TMED10: variants seen among roughly 807,000 people sequenced by gnomAD.
The protein encoded by TMED10 is transmembrane p24 trafficking protein 10, also known as transmembrane emp24 domain-containing protein 10.
TMED10 carries 7 observed loss-of-function variants against 23.1 expected under a neutral mutation model. The ratio of observed to expected loss-of-function variants is 0.30; its 90% CI spans 0.17 to 0.57. The LOEUF is 0.57. Ranked by LOEUF, TMED10 falls within the 20% of genes least tolerant of loss-of-function variation. The pLI is 0.91. For synonymous variants in TMED10, 113 were observed against 106.9 expected, an observed-to-expected ratio of 1.06 and a Z score of -0.35; for missense variants, 162 against 274.8, an observed-to-expected ratio of 0.59 and a Z score of 2.90.
chr14:75,135,563 A>G (rs908426396), intron 4 of TMED10, 197 bp downstream of exon 4: 11 of 630,854 alleles, frequency 1.7e-5, no homozygotes, highest in Non-Finnish European at 7.8e-6. Flanking sequence ...TCACCTGCCT[A>G]TCACAGTAGG....
intron 1 of TMED10, among the ~76,000 whole-genome samples, chr14:75,153,914 C>T (rs1232760281): frequency 1.3e-5 from 2 of 151,306 alleles, no homozygotes; most frequent in Non-Finnish European, 2.9e-5. Context: ...GAACTACAGG[C>T]ACCCACGACC....
At position 75,133,227 on chromosome 14, in the gene TMED10, A is replaced by G. The variant is rs181866026; in HGVS notation, c.*1658T>C. 1.3e-5 allele frequency: 2 copies of G among 152,348 alleles called. No individual in the cohort carries two copies. Among genetic ancestry groups the G allele is most frequent in the East Asian group, 1.9e-4 (1 of 5,194 alleles). The allele number at this position is 152,348 out of a possible 1,614,324, so 9.4% of individuals were successfully genotyped here. ...TGGTAGAAGTTATGTTAAAAATTCA[A>G]GCAACCACATATCTAACAGAGGAAT... On this transcript the variant is annotated 3_prime_UTR_variant, in exon 5 of 5. Coordinates refer to ENST00000303575, the MANE Select transcript of TMED10 (RefSeq NM_006827.6).
chr14:75,161,782 C>T (rs892722418), intron 1 of TMED10, among the ~76,000 whole-genome samples: 2 of 148,314 alleles, frequency 1.3e-5, no homozygotes, highest in Admixed American at 6.8e-5. Context: ...GCAGGAAGGA[C>T]GGGACTACTT....
intron 1 of TMED10, among the ~76,000 whole-genome samples, chr14:75,153,101 G>A (rs182702595): frequency 3.9e-5 from 6 of 152,088 alleles, no homozygotes; most frequent in Admixed American, 3.9e-4. Flanking sequence ...CAGCCCAGAT[G>A]ACAGAGTGAG....
Position 75,135,761 on chromosome 14 carries a change from G to A in TMED10, c.537C>T (p.Asn179=), listed in dbSNP as rs1453213369. Residue 179 remains asparagine (N), a splice_region_variant and synonymous_variant, in exon 4 of 5, where the codon AAC becomes AAT. Coordinates refer to ENST00000303575, the MANE Select transcript of TMED10 (RefSeq NM_006827.6). ...AGTAAGAGTCGCCTTCCCCCTCACCGTTGGTATCACGCATCTCCTCTTCTC... is the reference window on the plus strand; with the variant it reads ...AGTAAGAGTCGCCTTCCCCCTCACCATTGGTATCACGCATCTCCTCTTCTC... ...KKREEEMRDT[N]ESTNTRVLYF... is the part of the protein sequence containing the mutation. 18 of 1,612,862 alleles carry A rather than the reference G, an allele frequency of 1.1e-5. No homozygotes were observed. Among genetic ancestry groups the A allele is most frequent in the Admixed American group, 1.7e-5 (1 of 59,662 alleles).
chr14:75,143,446 G>T (rs540328442), intron 3 of TMED10, among the ~76,000 whole-genome samples: 3 of 152,294 alleles, frequency 2.0e-5, no homozygotes, highest in Admixed American at 6.5e-5. Context: ...TTAAAACAGA[G>T]GTGTTAATCT....
chr14:75,158,109 A>C (rs1896043262), intron 1 of TMED10, among the ~76,000 whole-genome samples: 1 of 152,194 alleles, frequency 6.6e-6, no homozygotes, highest in South Asian at 2.1e-4. Context: ...CATCAGTGCA[A>C]ATCAGAGTTG....
intron 1 of TMED10, among the ~76,000 whole-genome samples, chr14:75,166,265 A>G (rs1896161893): frequency 6.6e-6 from 1 of 152,024 alleles, no homozygotes; most frequent in African/African-American, 2.4e-5. Context: ...GATGACATCA[A>G]CCTCCCTCAA....
intron 1 of TMED10, among the ~76,000 whole-genome samples, chr14:75,171,220 A>G (rs898384883): frequency 2.6e-5 from 4 of 152,066 alleles, no homozygotes; most frequent in Non-Finnish European, 5.9e-5. Flanking sequence ...TGAGGAACAA[A>G]GCAGAGGATG....
At chr14:75,168,342 C>T (rs931592243) in intron 1 of TMED10, among the ~76,000 whole-genome samples, 2 of 152,178 alleles carry the variant, frequency 1.3e-5, no homozygotes, top group Admixed American at 6.5e-5. Context: ...CTGACACATA[C>T]TAAATATTAC....
At chr14:75,147,793 A>AACCCACCCC in intron 2 of TMED10, 56 bp from the exon 3 acceptor site, 1 of 1,335,750 alleles carries the variant, frequency 7.5e-7, no homozygotes, top group Non-Finnish European at 9.8e-7. Context: ...CTGGGAAATT[A>AACCCACCCC]CCCACCCACC....
intron 1 of TMED10, among the ~76,000 whole-genome samples, chr14:75,166,229 T>C (rs1341850341): frequency 1.3e-5 from 2 of 152,154 alleles, no homozygotes; most frequent in Non-Finnish European, 2.9e-5. Flanking sequence ...TGTTGAACAA[T>C]GAGGTTGGGA....
chr14:75,163,039 A>G lies in TMED10; in HGVS notation c.226-10896T>C, dbSNP rs145511206. ...CACTTGAGTCCAGGAATTTGAGACC[A>G]GCCTGGGCAACACAGGAAGACCCTG... On this transcript the variant is annotated intron_variant, in intron 1 of 4. Transcript: ENST00000303575. 7.4e-3 allele frequency among the ~76,000 whole-genome samples: 1,123 copies of G among 152,150 alleles called. 45 individuals are homozygous for G. Among genetic ancestry groups the G allele is most frequent in the Admixed American group, 0.056 (855 of 15,268 alleles).
rs533920984 is a variant in TMED10, at chr14:75,150,226, G to T, written c.337+1806C>A. Among the ~76,000 whole-genome samples the T allele has an allele frequency of 3.3e-5, 5 of 152,324 alleles. No homozygotes were observed. The South Asian group carries it at 1.0e-3, about 32-fold the overall frequency. On this transcript the variant is annotated intron_variant, in intron 2 of 4. Transcript: ENST00000303575. ...GTAAGACAAGTCACATGTGTCTTCTGAGCATGAAAACAACAAGTCTTCAAA... is the reference window on the plus strand; with the variant it reads ...GTAAGACAAGTCACATGTGTCTTCTTAGCATGAAAACAACAAGTCTTCAAA...
intron 1 of TMED10, among the ~76,000 whole-genome samples, chr14:75,170,283 C>T (rs940013724): frequency 3.3e-5 from 5 of 152,038 alleles, no homozygotes; most frequent in South Asian, 2.1e-4. Flanking sequence ...GACTGAAAGC[C>T]GCTATGGGCT....
At position 75,166,248 on chromosome 14, in the gene TMED10, T is replaced by C. The variant is rs185728723; in HGVS notation, c.225+10107A>G. The stretch of plus-strand genomic sequence containing the variant: ...GAACAATGAGGTTGGGAGCACAGGA[T>C]AAAGCAGATGACATCAACCTCCCTC... On this transcript the variant is annotated intron_variant, in intron 1 of 4. Coordinates refer to ENST00000303575, the MANE Select transcript of TMED10 (RefSeq NM_006827.6). 2.5e-3 allele frequency among the ~76,000 whole-genome samples: 383 copies of C among 152,288 alleles called. 5 individuals are homozygous for C. The highest frequency in any genetic ancestry group is 6.8e-4 in the Non-Finnish European group (46 of 68,032).
At chr14:75,137,793 T>C (rs1386417170) in intron 3 of TMED10, among the ~76,000 whole-genome samples, 1 of 151,230 alleles carries the variant, frequency 6.6e-6, no homozygotes, top group Non-Finnish European at 1.5e-5. Flanking sequence ...CTGCAACCTC[T>C]GCCTCCCAGG....
At chr14:75,164,546 TATATATATATATATATA>T in intron 1 of TMED10, among the ~76,000 whole-genome samples, 1 of 33,612 alleles carries the variant, frequency 3.0e-5, no homozygotes, top group Non-Finnish European at 4.9e-5. Context: ...TATATATATA[TATATATATATATATATA>T]TATATATATA....
chr14:75,136,997 C>T (rs2139830531), intron 3 of TMED10: 1 of 151,862 alleles, frequency 6.6e-6, no homozygotes, highest in South Asian at 2.1e-4. Context: ...TGAGATACAC[C>T]ACCAGAGCTT....
Sources: gnomAD v4.1 joint callset for allele counts (sites outside exome capture counted in the v4.1 genomes callset) on GRCh38, gnomAD v4.1.1 for gene constraint, MANE v1.5 for transcripts, NCBI Gene and HGNC (gene_info 2026-07-23, HGNC 2026-07-21) for gene names.